The following KIAA1328 variants were observed in gnomAD, a reference collection of about 807,000 sequenced individuals.
KIAA1328 encodes protein hinderin.
KIAA1328 carries 52 observed loss-of-function variants against 68.1 expected under a neutral mutation model. That is an observed-to-expected ratio of 0.76 (90% CI 0.61 to 0.96). The LOEUF (loss-of-function observed/expected upper bound fraction) is 0.96. KIAA1328 is among the 40% of genes least tolerant of loss of function. KIAA1328 has a pLI of 0.00. For synonymous variants in KIAA1328, 232 were observed against 239.4 expected, an observed-to-expected ratio of 0.97 and a Z score of 0.28; for missense variants, 641 against 677.6, an observed-to-expected ratio of 0.95 and a Z score of 0.60.
At chr18:36,843,272 C>G (rs1415336392) in intron 3 of KIAA1328, among the ~76,000 whole-genome samples, 1 of 152,090 alleles carries the variant, frequency 6.6e-6, no homozygotes, top group African/African-American at 2.4e-5. Flanking sequence ...ATCTTCTTTT[C>G]TCCATTTTTT....
intron 9 of KIAA1328, among the ~76,000 whole-genome samples, chr18:37,205,820 C>T (rs2060206157): frequency 6.6e-6 from 1 of 152,104 alleles, no homozygotes; most frequent in South Asian, 2.1e-4. Flanking sequence ...CTATAGGGGA[C>T]CATGAGGTCC....
chr18:37,120,555 G>A (rs757856509), intron 7 of KIAA1328, among the ~76,000 whole-genome samples: 32 of 152,180 alleles, frequency 2.1e-4, no homozygotes, highest in African/African-American at 7.2e-4. Flanking sequence ...GTAAAGAAGC[G>A]CTGGATGGTG....
At position 37,223,549 on chromosome 18, in the gene KIAA1328, T is replaced by A; in HGVS notation, c.*1322T>A. The A allele has an allele frequency of 1.0e-6, 1 of 985,424 alleles. No individual in the cohort carries two copies. Among genetic ancestry groups the A allele is most frequent in the Non-Finnish European group, 1.2e-6 (1 of 829,942 alleles). The allele number at this position is 985,424 out of a possible 1,614,324, so 61.0% of individuals were successfully genotyped here. ...TGTATTACTTGGGAATTTTATTTGATCTGGAGGGTGTGGCTTTTTTTCTCT... is the reference window on the plus strand; with the variant it reads ...TGTATTACTTGGGAATTTTATTTGAACTGGAGGGTGTGGCTTTTTTTCTCT... On this transcript the variant is annotated 3_prime_UTR_variant, in exon 10 of 10. Transcript: ENST00000280020.
chr18:37,050,510 T>TG (rs2055651867), intron 6 of KIAA1328, among the ~76,000 whole-genome samples: 1 of 152,238 alleles, frequency 6.6e-6, no homozygotes, highest in African/African-American at 2.4e-5. Flanking sequence ...GAAAACCATG[T>TG]ATAAGACTGC....
intron 6 of KIAA1328, among the ~76,000 whole-genome samples, chr18:37,042,143 C>A (rs1417946137): frequency 6.6e-6 from 1 of 152,032 alleles, no homozygotes; most frequent in Non-Finnish European, 1.5e-5. Context: ...AGTGATGCAC[C>A]CACCTTGACC....
At chr18:37,219,762 TC>T (rs750126985) in intron 9 of KIAA1328, among the ~76,000 whole-genome samples, 3 of 152,114 alleles carry the variant, frequency 2.0e-5, no homozygotes, top group Non-Finnish European at 4.4e-5. Flanking sequence ...GAAAGGGAAG[TC>T]CCCCGACCCC....
intron 6 of KIAA1328, among the ~76,000 whole-genome samples, chr18:37,032,412 A>G (rs2054865468): frequency 6.6e-6 from 1 of 151,922 alleles, no homozygotes; most frequent in South Asian, 2.1e-4. Flanking sequence ...AGCAGTTTAC[A>G]TTCATTTTTA....
intron 5 of KIAA1328, chr18:36,955,845 T>C (rs1325450306): frequency 2.0e-5 from 3 of 152,140 alleles, no homozygotes; most frequent in African/African-American, 7.2e-5. Flanking sequence ...CTGTATTAGG[T>C]CAAGATTACT....
intron 5 of KIAA1328, among the ~76,000 whole-genome samples, chr18:36,942,918 A>G (rs890078271): frequency 3.9e-5 from 6 of 152,246 alleles, no homozygotes; most frequent in Non-Finnish European, 8.8e-5. Context: ...TAGAGACAGA[A>G]CATTCCCAAA....
intron 5 of KIAA1328, among the ~76,000 whole-genome samples, chr18:36,916,574 G>T (rs12970844): frequency 0.73 from 111,579 of 151,914 alleles, 44,006 homozygotes; most frequent in South Asian, 0.89. Context: ...TTTTTTAAAT[G>T]CTGCTACCAT....
At chr18:37,136,431 G>C (rs909623216) in intron 7 of KIAA1328, among the ~76,000 whole-genome samples, 9 of 152,206 alleles carry the variant, frequency 5.9e-5, no homozygotes, top group Non-Finnish European at 1.3e-4. Context: ...AGCTTCATAA[G>C]TACATGCTTG....
chr18:36,950,684 A>G (rs779690068), intron 5 of KIAA1328, among the ~76,000 whole-genome samples: 1 of 152,186 alleles, frequency 6.6e-6, no homozygotes, highest in Non-Finnish European at 1.5e-5. Context: ...CTAGAATGAT[A>G]TGCTATCTTA....
intron 5 of KIAA1328, among the ~76,000 whole-genome samples, chr18:36,919,374 T>TG (rs1960820279): frequency 6.6e-6 from 1 of 152,160 alleles, no homozygotes; most frequent in Admixed American, 6.5e-5. Flanking sequence ...GTGTATTTTA[T>TG]GGGGGTTGGT....
chr18:37,067,309 A>G lies in KIAA1328; in HGVS notation c.996A>G (p.Pro332=). The change falls in exon 7 of 10, where the codon CCA becomes CCG. Residue 332 remains proline, a synonymous_variant. Coordinates refer to ENST00000280020, the MANE Select transcript of KIAA1328 (RefSeq NM_020776.3). ...NMTPQHPKTH[P]ESCSYCRLSW... Reference sequence around the variant, plus strand: ...CCCCTCAACATCCTAAGACACATCCAGAATCATGCAGTTATTGTCGGCTTT... The same window carrying G: ...CCCCTCAACATCCTAAGACACATCCGGAATCATGCAGTTATTGTCGGCTTT... The G allele has an allele frequency of 6.2e-7, 1 of 1,614,038 alleles. No individual in the cohort carries two copies. Among genetic ancestry groups the G allele is most frequent in the Non-Finnish European group, 8.5e-7 (1 of 1,179,880 alleles).
At chr18:37,093,872 G>T (rs1271646808) in intron 7 of KIAA1328, among the ~76,000 whole-genome samples, 2 of 152,104 alleles carry the variant, frequency 1.3e-5, no homozygotes, top group African/African-American at 2.4e-5. Flanking sequence ...CAAAGGCAAA[G>T]AATTAAAAAT....
At chr18:37,097,664 C>T (rs2057455337) in intron 7 of KIAA1328, among the ~76,000 whole-genome samples, 1 of 152,188 alleles carries the variant, frequency 6.6e-6, no homozygotes, top group Non-Finnish European at 1.5e-5. Context: ...TTACCTTGGG[C>T]AGTGTGGCCA....
At chr18:37,152,115 A>AT in intron 7 of KIAA1328, among the ~76,000 whole-genome samples, 1 of 151,974 alleles carries the variant, frequency 6.6e-6, no homozygotes, top group African/African-American at 2.4e-5. Context: ...AAAAAAAAAA[A>AT]AACAGATTAG....
chr18:36,934,028 C>A (rs1265565540), intron 5 of KIAA1328, among the ~76,000 whole-genome samples: 1 of 152,182 alleles, frequency 6.6e-6, no homozygotes, highest in Non-Finnish European at 1.5e-5. Context: ...TCCTAACTCT[C>A]CAGGATGATC....
intron 9 of KIAA1328, among the ~76,000 whole-genome samples, chr18:37,201,197 CAAT>C (rs2060107554): frequency 6.6e-6 from 1 of 152,042 alleles, no homozygotes; most frequent in African/African-American, 2.4e-5. Flanking sequence ...AAAAGTAAAA[CAAT>C]GAGAGATACA....
Sources: gnomAD v4.1 joint callset for allele counts (sites outside exome capture counted in the v4.1 genomes callset) on GRCh38, gnomAD v4.1.1 for gene constraint, MANE v1.5 for transcripts, NCBI Gene and HGNC (gene_info 2026-07-23, HGNC 2026-07-21) for gene names.